SGSM2: variants seen among roughly 807,000 people sequenced by gnomAD.
SGSM2 encodes RUN and TBC1 domain containing 1.
In SGSM2, 89 loss-of-function variants were observed where a neutral mutation model predicts 126.6. The ratio of observed to expected loss-of-function variants is 0.70; its 90% CI spans 0.59 to 0.84. The LOEUF (loss-of-function observed/expected upper bound fraction) is 0.84. Ranked by LOEUF, SGSM2 falls within the 40% of genes least tolerant of loss-of-function variation. SGSM2 has a pLI of 0.00. For synonymous variants in SGSM2, 614 were observed against 574.3 expected (o/e 1.07, Z -0.99); for missense variants, 1,404 against 1,416.6 (o/e 0.99, Z 0.14).
intron 17 of SGSM2, chr17:2,375,132 G>T: frequency 9.9e-6 from 2 of 201,290 alleles, no homozygotes; most frequent in Non-Finnish European, 2.0e-5. Context: ...AAACACTAAG[G>T]CCATTCTCCC....
At chr17:2,376,511 T>C in intron 19 of SGSM2, 1 of 667,054 alleles carries the variant, frequency 1.5e-6, no homozygotes, top group East Asian at 2.7e-5. Flanking sequence ...CCGCCCCACA[T>C]ACCAAGCGTG....
intron 2 of SGSM2, among the ~76,000 whole-genome samples, chr17:2,354,784 C>G (rs752972590): frequency 3.3e-5 from 5 of 152,254 alleles, no homozygotes; most frequent in Non-Finnish European, 7.3e-5. Flanking sequence ...GTCTTCCTGG[C>G]GTCTCCTCTA....
chr17:2,344,534 C>T (rs1207771534), intron 2 of SGSM2, among the ~76,000 whole-genome samples: 1 of 152,174 alleles, frequency 6.6e-6, no homozygotes, highest in African/African-American at 2.4e-5. Context: ...AGCAGATCCC[C>T]ACCAAGGGCT....
chr17:2,380,449 ATGTCCC>A lies in SGSM2; in HGVS notation c.*932_*937del. On this transcript the variant is annotated 3_prime_UTR_variant, in exon 24 of 24. Transcript: ENST00000268989. ...CCATTATCTGTCGCAGACATCTGCC[ATGTCCC>A]TGAGACTGCGGGAGGCAGGGGATGC... 4 of 783,126 alleles carry A rather than the reference ATGTCCC, an allele frequency of 5.1e-6. No individual in the cohort carries two copies. The allele number at this position is 783,126 out of a possible 1,614,324, so 48.5% of individuals were successfully genotyped here.
intron 21 of SGSM2, chr17:2,377,580 T>G: frequency 3.4e-6 from 1 of 293,272 alleles, no homozygotes; most frequent in East Asian, 7.0e-5. Flanking sequence ...TGGCGAACAG[T>G]AGGGGTTGCT....
At chr17:2,379,005 C>A in intron 22 of SGSM2, 31 bp from the exon 23 acceptor site, 1 of 1,602,210 alleles carries the variant, frequency 6.2e-7, no homozygotes, top group Non-Finnish European at 8.5e-7. Context: ...GCGGCTAGGA[C>A]GGGTGAGCAG....
chr17:2,380,154 C>A lies in SGSM2; in HGVS notation c.*634C>A. 1 of 1,471,128 alleles carries A rather than the reference C, an allele frequency of 6.8e-7. No homozygotes were observed. The highest frequency in any genetic ancestry group is 9.0e-7 in the Non-Finnish European group (1 of 1,111,422). 91.1% of individuals were successfully genotyped at this position (1,471,128 alleles called of 1,614,324 possible). A position where few individuals can be genotyped will look rare whatever the true frequency, so the allele number is the denominator to read the frequency against. On this transcript the variant is annotated 3_prime_UTR_variant, in exon 24 of 24. Coordinates refer to ENST00000268989, the MANE Select transcript of SGSM2 (RefSeq NM_014853.3). ...GCAGCCCACTTCAGCAGCACTGCCACTGCCTTTGGCCACCTGAGGTGACCC... is the reference window on the plus strand; with the variant it reads ...GCAGCCCACTTCAGCAGCACTGCCAATGCCTTTGGCCACCTGAGGTGACCC...
At chr17:2,368,784 G>A (rs2065718562) in intron 12 of SGSM2, among the ~76,000 whole-genome samples, 1 of 152,186 alleles carries the variant, frequency 6.6e-6, no homozygotes, top group Non-Finnish European at 1.5e-5. Flanking sequence ...TGGACTTGGG[G>A]CTGTTGCCTA....
intron 12 of SGSM2, among the ~76,000 whole-genome samples, chr17:2,369,783 C>A (rs2065777689): frequency 6.6e-6 from 1 of 152,032 alleles, no homozygotes; most frequent in Non-Finnish European, 1.5e-5. Flanking sequence ...CTGTCCTCTT[C>A]TCTCCTGCCT....
chr17:2,348,244 G>T (rs1738862549), intron 2 of SGSM2, among the ~76,000 whole-genome samples: 1 of 152,138 alleles, frequency 6.6e-6, no homozygotes, highest in Non-Finnish European at 1.5e-5. Flanking sequence ...TGCAGCCAGC[G>T]ATATTTCAGC....
chr17:2,343,706 G>C, intron 2 of SGSM2, 86 bp downstream of exon 2: 1 of 1,144,290 alleles, frequency 8.7e-7, no homozygotes, highest in Non-Finnish European at 1.3e-6. Flanking sequence ...GTCCTCAGGT[G>C]CAGTAGCTCT....
chr17:2,361,505 C>A, intron 2 of SGSM2, 132 bp from the exon 3 acceptor site: 2 of 1,134,594 alleles, frequency 1.8e-6, no homozygotes, highest in South Asian at 1.5e-5. Flanking sequence ...TGGAAGGAAG[C>A]CAGGGTATCT....
At chr17:2,343,824 T>A (rs1001513102) in intron 2 of SGSM2, among the ~76,000 whole-genome samples, 1 of 152,206 alleles carries the variant, frequency 6.6e-6, no homozygotes, top group African/African-American at 2.4e-5. Context: ...ATCTGCGTAT[T>A]TTTTGTTCCC....
rs2065363619 is a variant in SGSM2 at position 2,362,507 on chromosome 17, A to ACCGCCCCATTCCCCAAAAACTGCAGGTGG, written c.458+244_458+245insATTCCCCAAAAACTGCAGGTGGCCGCCCC. ...CCCCGTTCCCCAAAAACTGCAGGTG[A>ACCGCCCCATTCCCCAAAAACTGCAGGTGG]CCGCCCCGTTCCCCAAAAACTGCAG... On this transcript the variant is annotated intron_variant, in intron 4 of 23. Transcript: ENST00000268989. This position sits in a 1 kb window ranked among gnomAD's most constrained non-coding sequence, Gnocchi z 4.9. Among the ~76,000 whole-genome samples the ACCGCCCCATTCCCCAAAAACTGCAGGTGG allele has an allele frequency of 1.8e-5, 2 of 110,202 alleles. No individual in the cohort carries two copies. The highest frequency in any genetic ancestry group is 5.9e-4 in the East Asian group (2 of 3,400). 72.3% of individuals were successfully genotyped at this position (110,202 alleles called of 152,430 possible).
chr17:2,370,972 G>A (rs764829235), intron 12 of SGSM2, among the ~76,000 whole-genome samples: 9 of 152,176 alleles, frequency 5.9e-5, no homozygotes, highest in Non-Finnish European at 1.0e-4. Flanking sequence ...CTTGCTGGTC[G>A]CAGGATAGAG....
intron 1 of SGSM2, among the ~76,000 whole-genome samples, chr17:2,340,592 T>C (rs549869376): frequency 6.6e-6 from 1 of 151,508 alleles, no homozygotes; most frequent in East Asian, 1.9e-4. Context: ...TTGATTTCTT[T>C]TTTTTTTTTT....
chr17:2,349,147 G>A (rs1290092498), intron 2 of SGSM2, among the ~76,000 whole-genome samples: 1 of 151,906 alleles, frequency 6.6e-6, no homozygotes, highest in African/African-American at 2.4e-5. Context: ...AGGCTCAGCT[G>A]GGTGGATCAC....
rs764003171 is a variant in SGSM2 at position 2,361,633 on chromosome 17, C to T, written c.134-4C>T. On this transcript the variant is annotated splice_polypyrimidine_tract_variant and splice_region_variant and intron_variant, in intron 2 of 23. Transcript: ENST00000268989. ...CTCAGATGCCGTTTCCCTTTGTGGCCTAGGTGCAGTGGAGGCTTGCCTCTT... is the reference window on the plus strand; with the variant it reads ...CTCAGATGCCGTTTCCCTTTGTGGCTTAGGTGCAGTGGAGGCTTGCCTCTT... 4 of 1,613,406 alleles carry T rather than the reference C, an allele frequency of 2.5e-6. No homozygotes were observed. The South Asian group carries it at 4.4e-5, about 18-fold the overall frequency.
chr17:2,349,323 C>G (rs189205678), intron 2 of SGSM2, among the ~76,000 whole-genome samples: 4 of 151,884 alleles, frequency 2.6e-5, no homozygotes, highest in Admixed American at 2.6e-4. Context: ...TTTCAGTGAG[C>G]GAGATTGTGC....
Sources: gnomAD v4.1 joint callset for allele counts (sites outside exome capture counted in the v4.1 genomes callset) on GRCh38, gnomAD v4.1.1 for gene constraint, Gnocchi (gnomAD v3.1) non-coding constraint, MANE v1.5 for transcripts, NCBI Gene and HGNC (gene_info 2026-07-23, HGNC 2026-07-21) for gene names.